Variants in SSU72 observed in about 807,000 individuals in gnomAD.
The protein encoded by SSU72 is RNA polymerase II subunit A C-terminal domain phosphatase SSU72.
SSU72 carries 12 observed loss-of-function variants against 22.7 expected under a neutral mutation model. The ratio of observed to expected loss-of-function variants is 0.53; its 90% confidence interval spans 0.34 to 0.86. SSU72 has a LOEUF of 0.86. Ranked by LOEUF, SSU72 falls within the 40% of genes least tolerant of loss-of-function variation. The pLI is 0.02. For synonymous variants in SSU72, 116 were observed against 98.3 expected (o/e 1.18, Z -1.06); for missense variants, 151 against 249.8 (o/e 0.60, Z 2.67).
At chr1:1,557,682 C>A (rs141797973) in intron 2 of SSU72, among the ~76,000 whole-genome samples, 1,767 of 151,450 alleles carry the variant, frequency 0.012, 13 homozygotes, top group Non-Finnish European at 0.016. Flanking sequence ...CCTGTAATCC[C>A]AGCTACTCAG....
chr1:1,568,527 C>T (rs1037802535), intron 1 of SSU72, among the ~76,000 whole-genome samples: 5 of 151,570 alleles, frequency 3.3e-5, no homozygotes, highest in African/African-American at 1.2e-4. Flanking sequence ...TCGCTTGAAC[C>T]CGGGAGGTGG....
intron 1 of SSU72, among the ~76,000 whole-genome samples, chr1:1,570,307 G>C (rs372432031): frequency 6.7e-6 from 1 of 148,664 alleles, no homozygotes; most frequent in Non-Finnish European, 1.5e-5. Context: ...AAAAAAAAGG[G>C]AAAATGACAA....
intron 2 of SSU72, chr1:1,564,539 G>A: frequency 6.4e-7 from 1 of 1,554,084 alleles, no homozygotes; most frequent in Non-Finnish European, 8.7e-7. Context: ...ACCACGTCAG[G>A]GTGAACCCCA....
chr1:1,548,149 G>A (rs1368577907), intron 2 of SSU72, among the ~76,000 whole-genome samples: 4 of 152,286 alleles, frequency 2.6e-5, no homozygotes, highest in South Asian at 2.1e-4. Context: ...CTGGACATCC[G>A]GCTTTGCACA....
rs1570397144 is a variant in SSU72, at chr1:1,564,800, T to C, written c.197A>G (p.Asn66Ser). Residue 66 changes from asparagine (N) to serine (S), a missense_variant, in exon 2 of 5, where the codon AAT becomes AGT. Coordinates refer to ENST00000291386, the MANE Select transcript of SSU72 (RefSeq NM_014188.3). ...TTCTTTGTCTTTCCTAAGAAGATCATTGTACATCTGGTCATATGTGGTTTT... is the reference window on the plus strand; with the variant it reads ...TTCTTTGTCTTTCCTAAGAAGATCACTGTACATCTGGTCATATGTGGTTTT... ...DFKTTYDQMYNDLLRKDKELY... is the reference protein window; with the variant it reads ...DFKTTYDQMYSDLLRKDKELY... 2.5e-6 allele frequency: 4 copies of C among 1,614,184 alleles called. No homozygotes were observed. Among genetic ancestry groups the C allele is most frequent in the East Asian group, 2.2e-5 (1 of 44,880 alleles).
At chr1:1,565,371 C>T (rs1385493404) in intron 1 of SSU72, among the ~76,000 whole-genome samples, 1 of 152,204 alleles carries the variant, frequency 6.6e-6, no homozygotes, top group Non-Finnish European at 1.5e-5. Flanking sequence ...TAGCAAGTTA[C>T]ACAAAAGCAA....
intron 1 of SSU72, among the ~76,000 whole-genome samples, chr1:1,573,959 C>G (rs1642771749): frequency 1.3e-5 from 2 of 151,628 alleles, no homozygotes; most frequent in African/African-American, 2.4e-5. Context: ...CAAACCAAGT[C>G]CACGTTGTAT....
intron 2 of SSU72, among the ~76,000 whole-genome samples, chr1:1,557,219 C>G (rs1642532487): frequency 6.6e-6 from 1 of 151,846 alleles, no homozygotes; most frequent in South Asian, 2.1e-4. Flanking sequence ...TCAAGACCAG[C>G]TTGGCCAACA....
At chr1:1,568,270 A>T (rs74045618) in intron 1 of SSU72, among the ~76,000 whole-genome samples, 1,564 of 152,296 alleles carry the variant, frequency 0.01, 36 homozygotes, top group African/African-American at 0.036. Flanking sequence ...AATCTTCCAG[A>T]CAAGTATTTG....
At chr1:1,558,204 TAA>T (rs3073299) in intron 2 of SSU72, among the ~76,000 whole-genome samples, 17 of 126,166 alleles carry the variant, frequency 1.3e-4, no homozygotes, top group Non-Finnish European at 1.5e-4. Context: ...CTGTCTCAAT[TAA>T]AAAAAAAAAA....
chr1:1,553,018 C>CAA (rs35241878), intron 2 of SSU72, among the ~76,000 whole-genome samples: 22 of 93,768 alleles, frequency 2.3e-4, no homozygotes, highest in Non-Finnish European at 3.1e-4. Flanking sequence ...GAGACTGTCT[C>CAA]AAAAAAAAAA....
intron 2 of SSU72, among the ~76,000 whole-genome samples, chr1:1,548,182 C>T (rs991613320): frequency 6.6e-6 from 1 of 152,200 alleles, no homozygotes; most frequent in Non-Finnish European, 1.5e-5. Flanking sequence ...TCAGGGACCA[C>T]GTTCAGTAGA....
chr1:1,564,698 T>A (rs558835607), intron 2 of SSU72, 75 bp downstream of exon 2: 1 of 1,614,038 alleles, frequency 6.2e-7, no homozygotes, highest in Non-Finnish European at 8.5e-7. Context: ...ACACGCCTCC[T>A]GTGCCCGAGC....
intron 2 of SSU72, among the ~76,000 whole-genome samples, chr1:1,558,357 C>G (rs982230107): frequency 6.6e-6 from 1 of 152,096 alleles, no homozygotes; most frequent in Admixed American, 6.6e-5. Flanking sequence ...GACAGAGAGA[C>G]GCCCTGTCTC....
chr1:1,547,629 C>G (rs931224442), intron 2 of SSU72, among the ~76,000 whole-genome samples: 2 of 152,230 alleles, frequency 1.3e-5, no homozygotes, highest in Non-Finnish European at 2.9e-5. Flanking sequence ...AGCAAAACCA[C>G]GGTGCCAGTG....
At chr1:1,571,794 A>ATTT (rs71578326) in intron 1 of SSU72, among the ~76,000 whole-genome samples, 32 of 149,314 alleles carry the variant, frequency 2.1e-4, no homozygotes, top group African/African-American at 6.4e-4. Context: ...TAGCTAAATA[A>ATTT]TTTTTTTTTT....
intron 2 of SSU72, among the ~76,000 whole-genome samples, chr1:1,548,273 T>C (rs1275317442): frequency 6.6e-6 from 1 of 151,978 alleles, no homozygotes. Flanking sequence ...AGAAATAAAC[T>C]CCCAGCTGGG....
intron 2 of SSU72, among the ~76,000 whole-genome samples, chr1:1,546,862 A>ACAAC (rs796813025): frequency 5.5e-5 from 5 of 90,104 alleles, no homozygotes; most frequent in African/African-American, 3.0e-4. Flanking sequence ...AACAACAACA[A>ACAAC]AAAAAAAAAA....
At chr1:1,557,278 C>T (rs1241780074) in intron 2 of SSU72, among the ~76,000 whole-genome samples, 1 of 151,948 alleles carries the variant, frequency 6.6e-6, no homozygotes, top group Non-Finnish European at 1.5e-5. Flanking sequence ...CCGGGTGTGG[C>T]AGTGCATGCC....
Sources: gnomAD v4.1 joint callset for allele counts (sites outside exome capture counted in the v4.1 genomes callset) on GRCh38, gnomAD v4.1.1 for gene constraint, MANE v1.5 for transcripts, NCBI Gene and HGNC (gene_info 2026-07-23, HGNC 2026-07-21) for gene names.